The following COPG1 variants were observed in gnomAD, a reference collection of about 807,000 sequenced individuals.
The protein encoded by COPG1 is coatomer subunit gamma-1.
A neutral mutation model predicts 102.8 loss-of-function variants in COPG1; 29 were observed. The ratio of observed to expected loss-of-function variants is 0.28; its 90% CI spans 0.21 to 0.38. The LOEUF is 0.38. COPG1 is among the 10% of genes least tolerant of loss of function. The pLI, the probability that COPG1 is intolerant of heterozygous loss-of-function variation, is 1.00. For synonymous variants in COPG1, 406 were observed against 421.6 expected (o/e 0.96, Z 0.45); for missense variants, 875 against 1,132.7 (o/e 0.77, Z 3.27).
chr3:129,265,673 T>G lies in COPG1; in HGVS notation c.1349T>G (p.Val450Gly). The G allele has an allele frequency of 6.2e-7, 1 of 1,614,198 alleles. No individual in the cohort carries two copies. Among genetic ancestry groups the G allele is most frequent in the Non-Finnish European group, 8.5e-7 (1 of 1,180,042 alleles). The change falls in exon 14 of 24, where the codon GTG becomes GGG. Residue 450 changes from valine to glycine, a missense_variant. Physicochemically the swap from Val to Gly is moderately radical, Grantham distance 109. Coordinates refer to ENST00000314797, the MANE Select transcript of COPG1 (RefSeq NM_016128.4). ...CEFIEDCEFT[V>G]LATRILHLLG... ...TTCATCGAGGACTGCGAGTTCACAG[T>G]GCTGGCCACCCGTATTCTACATCTC...
In COPG1 at chr3:129,257,844, G is replaced by A. The variant is rs1004991354; in HGVS notation, c.855G>A (p.Leu285=). ...TGCCAGGCTGCAGTGCCAAAGAGCT[G>A]GCCCCGGCTGTGTCAGGTCACTGGG... The part of the protein sequence containing the change: ...VNLPGCSAKE[L]APAVSVLQLF... The change falls in exon 10 of 24, where the codon CTG becomes CTA. Residue 285 remains leucine (L), a synonymous_variant. Transcript: ENST00000314797. 6.2e-7 allele frequency: 1 copy of A among 1,613,512 alleles called. No individual in the cohort carries two copies. Among genetic ancestry groups the A allele is most frequent in the Non-Finnish European group, 8.5e-7 (1 of 1,179,988 alleles).
In COPG1 at chr3:129,275,367, T is replaced by G; in HGVS notation, c.2494+75T>G. The stretch of plus-strand genomic sequence containing the variant: ...TGCCACTGGATCCTGGGCTAAGGAC[T>G]CCACTGTAAATATGGGGAGTCAAAA... On this transcript the variant is annotated intron_variant, in intron 23 of 23. Coordinates refer to ENST00000314797, the MANE Select transcript of COPG1 (RefSeq NM_016128.4). The surrounding 1 kb of genome is among the most constrained non-coding windows in gnomAD (Gnocchi z 5.0). 9.1e-7 allele frequency: 1 copy of G among 1,102,568 alleles called. No individual in the cohort carries two copies. The highest frequency in any genetic ancestry group is 2.4e-5 in the East Asian group (1 of 41,906). 68.3% of individuals were successfully genotyped at this position (1,102,568 alleles called of 1,614,324 possible). A position where few individuals can be genotyped will look rare whatever the true frequency, so the allele number is the denominator to read the frequency against.
Position 129,265,617 on chromosome 3 carries a change from C to G in COPG1, c.1293C>G (p.Ser431Arg). The G allele has an allele frequency of 6.2e-7, 1 of 1,614,202 alleles. No individual in the cohort carries two copies. ...GCATCATTGAAGAGAACTCAGAGAG[C>G]AAGGAGACAGGGCTGTCACATCTGT... ...IISIIEENSESKETGLSHLCE... is the reference protein window; with the variant it reads ...IISIIEENSERKETGLSHLCE... The change falls in exon 14 of 24, where the codon AGC becomes AGG. Residue 431 changes from serine (S) to arginine (R), a missense_variant. Physicochemically the swap from Ser to Arg is moderately radical, Grantham distance 110. Coordinates refer to ENST00000314797, the MANE Select transcript of COPG1 (RefSeq NM_016128.4).
At chr3:129,253,584 A>G (rs771934281) in intron 5 of COPG1, among the ~76,000 whole-genome samples, 22 of 152,198 alleles carry the variant, frequency 1.4e-4, no homozygotes, top group Non-Finnish European at 2.9e-4. Flanking sequence ...TTATCACGGA[A>G]GTATTATGGG....
Position 129,277,601 on chromosome 3 carries a change from CTTTTTTTT to C in COPG1, c.*189_*196del. ...CCCACCCGGGACTACTTGCTGGTGA[CTTTTTTTT>C]TTTTTTTTTTTAAATAGGGGATGAT... On this transcript the variant is annotated 3_prime_UTR_variant, in exon 24 of 24. Coordinates refer to ENST00000314797, the MANE Select transcript of COPG1 (RefSeq NM_016128.4). The C allele has an allele frequency of 6.6e-6, 2 of 302,330 alleles. No individual in the cohort carries two copies. Among genetic ancestry groups the C allele is most frequent in the Non-Finnish European group, 1.2e-5 (2 of 162,256 alleles). The allele number at this position is 302,330 out of a possible 1,614,324, so 18.7% of individuals were successfully genotyped here.
At chr3:129,276,937 C>T (rs1232431460) in intron 23 of COPG1, among the ~76,000 whole-genome samples, 1 of 151,382 alleles carries the variant, frequency 6.6e-6, no homozygotes, top group Non-Finnish European at 1.5e-5. Flanking sequence ...GATTCTCCTG[C>T]TTCAGCCTCC....
At position 129,260,591 on chromosome 3, in the gene COPG1, C is replaced by T. The variant is rs1427272646; in HGVS notation, c.940-28C>T. On this transcript the variant is annotated intron_variant, in intron 11 of 23. Coordinates refer to ENST00000314797, the MANE Select transcript of COPG1 (RefSeq NM_016128.4). ...TGTAGTGACAGCATTGGGTTCCTGCCCTCTCTGTCACTGTCCTCCCAAAAC... is the reference window on the plus strand; with the variant it reads ...TGTAGTGACAGCATTGGGTTCCTGCTCTCTCTGTCACTGTCCTCCCAAAAC... 4.3e-6 allele frequency: 7 copies of T among 1,610,202 alleles called. No homozygotes were observed. In the Admixed American group the frequency reaches 8.3e-5, roughly 19 times the overall value.
intron 10 of COPG1, 190 bp from the exon 11 acceptor site, chr3:129,260,143 C>A: frequency 1.6e-6 from 1 of 613,296 alleles, no homozygotes; most frequent in South Asian, 1.9e-5. Context: ...CCTGGGTGCT[C>A]ACAGACATTA....
At chr3:129,264,730 C>T (rs200286954) in intron 13 of COPG1, among the ~76,000 whole-genome samples, 2 of 152,114 alleles carry the variant, frequency 1.3e-5, no homozygotes, top group East Asian at 1.9e-4. Context: ...GTGATCTTCC[C>T]ACCTTAGCCA....
intron 2 of COPG1, 110 bp downstream of exon 2, chr3:129,250,844 CTT>C (rs1185360505): frequency 1.1e-5 from 10 of 870,056 alleles, no homozygotes; most frequent in Middle Eastern, 2.4e-4. Flanking sequence ...CGGGAGAAAA[CTT>C]GTGCCTGGAA....
At chr3:129,264,261 A>G (rs1227127974) in intron 13 of COPG1, among the ~76,000 whole-genome samples, 4 of 152,202 alleles carry the variant, frequency 2.6e-5, no homozygotes, top group Non-Finnish European at 5.9e-5. Flanking sequence ...AGATGGGAAA[A>G]TGCATGTTCT....
At chr3:129,254,341 G>C (rs973712206) in intron 5 of COPG1, 7 of 256,862 alleles carry the variant, frequency 2.7e-5, no homozygotes, top group Non-Finnish European at 2.2e-5. Context: ...GGTGAGGAAT[G>C]CTACAGGCTG....
intron 21 of COPG1, among the ~76,000 whole-genome samples, chr3:129,274,500 T>C (rs1940231782): frequency 2.6e-5 from 4 of 152,208 alleles, no homozygotes; most frequent in Non-Finnish European, 5.9e-5. Flanking sequence ...AGCAGACCTC[T>C]GAGAATGCTA....
intron 12 of COPG1, 29 bp downstream of exon 12, chr3:129,260,836 C>T (rs1326854037): frequency 1.9e-6 from 3 of 1,604,042 alleles, no homozygotes; most frequent in South Asian, 1.1e-5. Context: ...ACACCCACGG[C>T]CCCCAGAGGA....
At chr3:129,263,566 G>A (rs1023629991) in intron 12 of COPG1, among the ~76,000 whole-genome samples, 2 of 152,186 alleles carry the variant, frequency 1.3e-5, no homozygotes, top group Admixed American at 6.5e-5. Flanking sequence ...AGGAGATGAT[G>A]GGTGGGAACC....
rs148703845 is a variant in COPG1, at chr3:129,261,983, A to G, written c.1128+1176A>G. Among the ~76,000 whole-genome samples, 779 of 152,342 alleles carry G rather than the reference A, an allele frequency of 5.1e-3. 3 individuals carry two copies. The highest frequency in any genetic ancestry group is 0.014 in the African/African-American group (569 of 41,560). ...AGTATGTCACCGGAGAGTTTTAATC[A>G]GAGCAAACAATAATATGAATAATAT... On this transcript the variant is annotated intron_variant, in intron 12 of 23. Transcript: ENST00000314797.
rs1401516966 is a variant in COPG1, at chr3:129,249,708, C to T, written c.-2C>T. The stretch of plus-strand genomic sequence containing the variant: ...GCTGCATTGCGCCCCACCGACTCCA[C>T]TATGTTGAAGAAATTCGACAAGAAG... On this transcript the variant is annotated 5_prime_UTR_variant, in exon 1 of 24. Coordinates refer to ENST00000314797, the MANE Select transcript of COPG1 (RefSeq NM_016128.4). 1 of 1,551,540 alleles carries T rather than the reference C, an allele frequency of 6.4e-7. No individual in the cohort carries two copies. Among genetic ancestry groups the T allele is most frequent in the Admixed American group, 2.0e-5 (1 of 51,006 alleles).
At position 129,265,786 on chromosome 3, in the gene COPG1, C is replaced by T. The variant is rs1387136273; in HGVS notation, c.1462C>T (p.Arg488Trp). The change falls in exon 14 of 24, where the codon CGG (arginine) becomes TGG (tryptophan). Residue 488 changes from arginine to tryptophan, a missense_variant. Physicochemically the swap from Arg to Trp is moderately radical, Grantham distance 101. Transcript: ENST00000314797. ...AGTGGTCTTGGAGCATGAGGAGGTC[C>T]GGGCAGGTAGGTCTGAGCCAGGGCT... ...NRVVLEHEEV[R>W]AGAVSALAKF... 3 of 1,613,716 alleles carry T rather than the reference C, an allele frequency of 1.9e-6. No homozygotes were observed. The highest frequency in any genetic ancestry group is 2.5e-6 in the Non-Finnish European group (3 of 1,179,876).
At chr3:129,264,823 T>G (rs1307734218) in intron 13 of COPG1, among the ~76,000 whole-genome samples, 2 of 150,440 alleles carry the variant, frequency 1.3e-5, no homozygotes, top group Non-Finnish European at 3.0e-5. Flanking sequence ...TGATAGCAGT[T>G]TTTTTTTTTT....
Sources: allele counts gnomAD v4.1 joint callset (sites outside exome capture counted in the v4.1 genomes callset), GRCh38; gene constraint gnomAD v4.1.1; non-coding constraint Gnocchi (gnomAD v3.1); transcripts MANE v1.5; gene names NCBI Gene and HGNC (gene_info 2026-07-23, HGNC 2026-07-21).